Variants in CDCP1 observed in about 807,000 individuals in gnomAD.
CDCP1 encodes the protein CUB domain containing protein 1.
In CDCP1, 29 loss-of-function variants were observed where a neutral mutation model predicts 60.2. That is an observed-to-expected ratio of 0.48 (90% CI 0.36 to 0.66). CDCP1 has a LOEUF of 0.66. CDCP1 is among the 30% of genes least tolerant of loss of function. The pLI is 0.00. For synonymous variants in CDCP1, 387 were observed against 431.1 expected (o/e 0.90, Z 1.27); for missense variants, 876 against 1,074.3 (o/e 0.82, Z 2.58).
At position 45,084,636 on chromosome 3, in the gene CDCP1, C is replaced by A. The variant is rs1460168922; in HGVS notation, c.*1002G>T. Reference sequence around the variant, plus strand: ...CAGAAGGAGCACAGCTCTGCTGACACCTTGATTTTCATTCAGGGACATCCA... The same window carrying A: ...CAGAAGGAGCACAGCTCTGCTGACAACTTGATTTTCATTCAGGGACATCCA... On this transcript the variant is annotated 3_prime_UTR_variant, in exon 9 of 9. Transcript: ENST00000296129. 1.3e-5 allele frequency: 2 copies of A among 152,516 alleles called. No individual in the cohort carries two copies. Among genetic ancestry groups the A allele is most frequent in the African/African-American group, 2.4e-5 (1 of 41,432 alleles). The allele number at this position is 152,516 out of a possible 1,614,324, so 9.4% of individuals were successfully genotyped here.
At chr3:45,114,590 G>A (rs1698754812) in intron 2 of CDCP1, among the ~76,000 whole-genome samples, 1 of 151,624 alleles carries the variant, frequency 6.6e-6, no homozygotes, top group Non-Finnish European at 1.5e-5. Context: ...AATTTCTTTT[G>A]TATTTTTAGT....
At chr3:45,123,795 T>C (rs1468590453) in intron 1 of CDCP1, among the ~76,000 whole-genome samples, 4 of 152,198 alleles carry the variant, frequency 2.6e-5, no homozygotes, top group African/African-American at 9.7e-5. Context: ...ATTTGGTATT[T>C]CATTGGTCTA....
At chr3:45,132,052 G>A (rs542091681) in intron 1 of CDCP1, among the ~76,000 whole-genome samples, 2 of 150,762 alleles carry the variant, frequency 1.3e-5, no homozygotes, top group South Asian at 2.1e-4. Flanking sequence ...TGGCCAACAC[G>A]GTAAAACTCT....
chr3:45,086,162 G>A (rs1378761593), intron 8 of CDCP1, 95 bp from the exon 9 acceptor site: 10 of 1,106,082 alleles, frequency 9.0e-6, no homozygotes, highest in Non-Finnish European at 1.3e-5. Flanking sequence ...GATTCTTTAG[G>A]GTTCTGACCA....
chr3:45,145,650 T>C (rs1699369229), intron 1 of CDCP1, among the ~76,000 whole-genome samples: 1 of 152,028 alleles, frequency 6.6e-6, no homozygotes, highest in Admixed American at 6.5e-5. Flanking sequence ...TCTTCAACTT[T>C]AGGAGAGGGG....
intron 4 of CDCP1, among the ~76,000 whole-genome samples, chr3:45,107,575 G>A (rs905466405): frequency 6.6e-6 from 1 of 152,074 alleles, no homozygotes; most frequent in Admixed American, 6.5e-5. Flanking sequence ...TTTAAAGAGC[G>A]CTCACTACCT....
At chr3:45,088,908 C>T (rs1359819016) in intron 8 of CDCP1, 146 bp downstream of exon 8, 2 of 703,002 alleles carry the variant, frequency 2.8e-6, no homozygotes, top group East Asian at 2.7e-5. Flanking sequence ...GAAAGCATGA[C>T]TCACACCTGG....
chr3:45,095,609 G>T, intron 4 of CDCP1, 41 bp from the exon 5 acceptor site: 1 of 1,580,740 alleles, frequency 6.3e-7, no homozygotes, highest in African/African-American at 1.3e-5. Flanking sequence ...GCATGGATCA[G>T]CAGCAACACG....
chr3:45,108,310 C>T (rs1346362722), intron 4 of CDCP1, among the ~76,000 whole-genome samples: 3 of 152,064 alleles, frequency 2.0e-5, no homozygotes, highest in African/African-American at 4.8e-5. Flanking sequence ...ATATTTCTGC[C>T]GCCAAGTCCA....
chr3:45,098,212 T>TA (rs1698433480), intron 4 of CDCP1, among the ~76,000 whole-genome samples: 1 of 151,598 alleles, frequency 6.6e-6, no homozygotes, highest in Non-Finnish European at 1.5e-5. Flanking sequence ...TTATTATTAT[T>TA]TTGGGGGACA....
At chr3:45,118,390 C>G (rs368392398) in intron 2 of CDCP1, 22 bp downstream of exon 2, 2 of 1,558,754 alleles carry the variant, frequency 1.3e-6, no homozygotes, top group African/African-American at 1.4e-5. Context: ...CATTGTCAAA[C>G]AGCTCACAAG....
intron 4 of CDCP1, among the ~76,000 whole-genome samples, chr3:45,108,033 G>A (rs1190308289): frequency 3.3e-5 from 5 of 151,942 alleles, no homozygotes; most frequent in Non-Finnish European, 7.4e-5. Flanking sequence ...CAGGAGAATC[G>A]CTTGAACCTG....
intron 1 of CDCP1, among the ~76,000 whole-genome samples, chr3:45,123,919 C>T (rs2126002605): frequency 6.6e-6 from 1 of 152,304 alleles, no homozygotes; most frequent in East Asian, 1.9e-4. Context: ...TAGAGCAGTG[C>T]ATGGGCTCCT....
chr3:45,093,149 G>C, intron 6 of CDCP1, 128 bp downstream of exon 6: 1 of 1,049,254 alleles, frequency 9.5e-7, no homozygotes, highest in Non-Finnish European at 1.4e-6. Flanking sequence ...CAAATTTCTT[G>C]TGCAAGGACC....
At position 45,091,229 on chromosome 3, in the gene CDCP1, G is replaced by C. The variant is rs370295626; in HGVS notation, c.1937C>G (p.Thr646Arg). 15 of 1,613,854 alleles carry C rather than the reference G, an allele frequency of 9.3e-6. No homozygotes were observed. The highest frequency in any genetic ancestry group is 1.2e-5 in the Non-Finnish European group (14 of 1,180,012). ...FWVNISNCSP[T>R]SGKQLDLLFS... Reference sequence around the variant, plus strand: ...GAGCAGGTCTAGCTGCTTGCCGCTCGTGGGGCTGCAGTTAGAGATGTTGAC... The same window carrying C: ...GAGCAGGTCTAGCTGCTTGCCGCTCCTGGGGCTGCAGTTAGAGATGTTGAC... The change falls in exon 7 of 9, where the codon ACG becomes AGG. Residue 646 changes from threonine to arginine, a missense_variant. Physicochemically the swap from Thr to Arg is moderately conservative, Grantham distance 71. Around this residue, in one of 2 missense-constraint regions of CDCP1, gnomAD observed 726 missense variants for 935.7 expected, o/e 0.78. Transcript: ENST00000296129. This position sits in a 1 kb window ranked among gnomAD's most constrained non-coding sequence, Gnocchi z 4.8.
chr3:45,108,902 TGCA>T lies in CDCP1; in HGVS notation c.1024+1568_1024+1570del, dbSNP rs1698632729. 3.4e-4 allele frequency among the ~76,000 whole-genome samples: 24 copies of T among 71,342 alleles called. 7 individuals carry two copies. The highest frequency in any genetic ancestry group is 1.7e-3 in the South Asian group (3 of 1,754). The allele number at this position is 71,342 out of a possible 152,430, so 46.8% of individuals were successfully genotyped here. On this transcript the variant is annotated intron_variant, in intron 4 of 8. Coordinates refer to ENST00000296129, the MANE Select transcript of CDCP1 (RefSeq NM_022842.5). The stretch of plus-strand genomic sequence containing the variant: ...ATGCATGTATACATATATATATATA[TGCA>T]TGTATACATATATATATATATGCAT...
At chr3:45,118,387 A>G (rs1386309510) in intron 2 of CDCP1, 25 bp downstream of exon 2, 3 of 1,553,126 alleles carry the variant, frequency 1.9e-6, no homozygotes, top group Non-Finnish European at 2.7e-6. Context: ...AGACATTGTC[A>G]AACAGCTCAC....
rs922605700 is a variant in CDCP1 at position 45,125,569 on chromosome 3, T to C, written c.83-6948A>G. On this transcript the variant is annotated intron_variant, in intron 1 of 8. Transcript: ENST00000296129. ...AGTCAATCAATATTGGCTGTTAGTA[T>C]TGTTGATATTATCAATGATAGCATA... Among the ~76,000 whole-genome samples the C allele has an allele frequency of 3.3e-5, 5 of 152,348 alleles. No homozygotes were observed. In the East Asian group the frequency reaches 7.7e-4, roughly 23 times the overall value.
chr3:45,143,144 C>T lies in CDCP1; in HGVS notation c.82+3062G>A, dbSNP rs368402607. ...GCTTGAACCTGGGAGACGGAGGTTG[C>T]AGTGAGCCGAGATCGCGCCATTGCA... is the stretch of plus-strand genomic sequence containing the variant. On this transcript the variant is annotated intron_variant, in intron 1 of 8. Transcript: ENST00000296129. Among the ~76,000 whole-genome samples, 96 of 152,232 alleles carry T rather than the reference C, an allele frequency of 6.3e-4. 1 individual carries two copies. In the South Asian group the frequency reaches 0.019, roughly 30 times the overall value.
Sources: gnomAD v4.1 joint callset for allele counts (sites outside exome capture counted in the v4.1 genomes callset) on GRCh38, gnomAD v4.1.1 for gene constraint, gnomAD v4.1.1 regional missense constraint, Gnocchi (gnomAD v3.1) non-coding constraint, MANE v1.5 for transcripts, NCBI Gene and HGNC (gene_info 2026-07-23, HGNC 2026-07-21) for gene names.